The following KRT7 variants were observed in gnomAD, a reference collection of about 807,000 sequenced individuals.
The protein encoded by KRT7 is keratin 7, also known as keratin, type II cytoskeletal 7.
KRT7 carries 50 observed loss-of-function variants against 42.8 expected under a neutral mutation model. The ratio of observed to expected loss-of-function variants is 1.17; its 90% CI spans 0.93 to 1.48. KRT7 has a LOEUF of 1.48. Ranked by LOEUF, KRT7 falls within the 40% of genes most tolerant of loss-of-function variation. KRT7 has a pLI of 0.00. For missense variants in KRT7, 588 were observed against 637.6 expected, an observed-to-expected ratio of 0.92 and a Z score of 0.84; for synonymous variants, 268 against 266.3, an observed-to-expected ratio of 1.01 and a Z score of -0.06.
At chr12:52,248,349 C>A in intron 8 of KRT7, 138 bp downstream of exon 8, 2 of 975,844 alleles carry the variant, frequency 2.0e-6, no homozygotes, top group Non-Finnish European at 3.2e-6. Context: ...ATTGACAGGT[C>A]CCCTGGAGCA....
chr12:52,241,766 T>G lies in KRT7; in HGVS notation c.858+130T>G. On this transcript the variant is annotated intron_variant, in intron 5 of 8. Coordinates refer to ENST00000331817, the MANE Select transcript of KRT7 (RefSeq NM_005556.4). ...CTGGCAGGCACCAGTGGTTTAAGTC[T>G]GTGGTGCTCAGCCCTGGAGAAAATC... 6.7e-6 allele frequency: 5 copies of G among 745,270 alleles called. No individual in the cohort carries two copies. The South Asian group carries it at 9.5e-5, about 14-fold the overall frequency. The allele number at this position is 745,270 out of a possible 1,614,324, so 46.2% of individuals were successfully genotyped here.
chr12:52,247,739 T>TG, intron 7 of KRT7: 1 of 187,794 alleles, frequency 5.3e-6, no homozygotes, highest in Non-Finnish European at 1.1e-5. Flanking sequence ...GGCCTCATAC[T>TG]GGGGATAAAA....
intron 6 of KRT7, chr12:52,244,958 CAATT>C (rs1291336897): frequency 1.1e-5 from 2 of 180,794 alleles, no homozygotes; most frequent in African/African-American, 4.8e-5. Context: ...TCTGGAGACT[CAATT>C]AAGATCCCAT....
chr12:52,238,451 G>T (rs1339947555), intron 3 of KRT7, among the ~76,000 whole-genome samples: 1 of 152,160 alleles, frequency 6.6e-6, no homozygotes, highest in African/African-American at 2.4e-5. Flanking sequence ...CTAGGTTGGG[G>T]CTTCAGTTGC....
chr12:52,235,263 A>G lies in KRT7; in HGVS notation c.433A>G (p.Ile145Val). ...CCTCCCAGACATCTTTGAGGCCCAGATTGCTGGCCTTCGGGGTCAGCTTGA... is the reference window on the plus strand; with the variant it reads ...CCTCCCAGACATCTTTGAGGCCCAGGTTGCTGGCCTTCGGGGTCAGCTTGA... ...SRLPDIFEAQ[I>V]AGLRGQLEAL... Residue 145 changes from isoleucine to valine, a missense_variant, in exon 2 of 9, where the codon ATT becomes GTT. Coordinates refer to ENST00000331817, the MANE Select transcript of KRT7 (RefSeq NM_005556.4). 6.2e-7 allele frequency: 1 copy of G among 1,614,184 alleles called. No homozygotes were observed.
intron 5 of KRT7, among the ~76,000 whole-genome samples, 196 bp from the exon 6 acceptor site, chr12:52,242,816 C>T (rs957888243): frequency 3.3e-5 from 5 of 152,094 alleles, no homozygotes; most frequent in Non-Finnish European, 5.9e-5. Context: ...GTCTGTCCTC[C>T]CTGCCTGGCT....
rs181502149 is a variant in KRT7, at chr12:52,234,925, C to T, written c.325-230C>T. Among the ~76,000 whole-genome samples, 6 of 152,292 alleles carry T rather than the reference C, an allele frequency of 3.9e-5. No homozygotes were observed. The East Asian group carries it at 5.8e-4, about 15-fold the overall frequency. On this transcript the variant is annotated intron_variant, in intron 1 of 8. Coordinates refer to ENST00000331817, the MANE Select transcript of KRT7 (RefSeq NM_005556.4). ...TGGAGAGGAGGCCCTGGAGCACATT[C>T]GTCGAGAGTCAACCACGGGGCACTT...
In KRT7 at chr12:52,235,321, C is replaced by G. The variant is rs376567055; in HGVS notation, c.491C>G (p.Ala164Gly). 2 of 1,613,636 alleles carry G rather than the reference C, an allele frequency of 1.2e-6. No homozygotes were observed. Among genetic ancestry groups the G allele is most frequent in the Admixed American group, 3.3e-5 (2 of 60,024 alleles). ...ALQVDGGRLE[A>G]ELRSMQDVVE... is the part of the protein sequence containing the mutation. The stretch of plus-strand genomic sequence containing the variant: ...CAGGTGGATGGGGGCCGCCTGGAGG[C>G]GGAGCTGCGGAGCATGCAGGATGTG... Residue 164 changes from alanine to glycine, a missense_variant, in exon 2 of 9, where the codon GCG becomes GGG. By Grantham distance (60) the Ala-to-Gly change is moderately conservative. Coordinates refer to ENST00000331817, the MANE Select transcript of KRT7 (RefSeq NM_005556.4).
At position 52,233,252 on chromosome 12, in the gene KRT7, G is replaced by A. The variant is rs552057083; in HGVS notation, c.-45G>A. On this transcript the variant is annotated 5_prime_UTR_variant, in exon 1 of 9. Transcript: ENST00000331817. ...GAGTGTCCCCGAGGTCAGCGAGTGC[G>A]CGCTCCTCCTCGCCCGCCGCTAGGT... The A allele has an allele frequency of 3.6e-5, 52 of 1,424,920 alleles. No individual in the cohort carries two copies. The South Asian group carries it at 6.6e-4, about 18-fold the overall frequency. The allele number at this position is 1,424,920 out of a possible 1,614,324, so 88.3% of individuals were successfully genotyped here.
At position 52,233,404 on chromosome 12, in the gene KRT7, C is replaced by T; in HGVS notation, c.108C>T (p.Ser36=). The change falls in exon 1 of 9, where the codon AGC becomes AGT. Residue 36 remains serine, a synonymous_variant. Coordinates refer to ENST00000331817, the MANE Select transcript of KRT7 (RefSeq NM_005556.4). ...CCGCTCGCCCCGGCGGCCTTGGCAG[C>T]AGCAGCCTCTACGGCCTCGGCGCCT... ...LSSARPGGLG[S]SSLYGLGASR... 1 of 1,565,326 alleles carries T rather than the reference C, an allele frequency of 6.4e-7. No homozygotes were observed. Among genetic ancestry groups the T allele is most frequent in the Non-Finnish European group, 8.6e-7 (1 of 1,161,958 alleles).
At chr12:52,237,718 G>GTGGGTGTT in intron 3 of KRT7, 149 bp downstream of exon 3, 2 of 550,634 alleles carry the variant, frequency 3.6e-6, no homozygotes, top group Non-Finnish European at 6.4e-6. Flanking sequence ...TGTCCTGTGG[G>GTGGGTGTT]TGCGTGTATG....
intron 1 of KRT7, among the ~76,000 whole-genome samples, chr12:52,234,833 A>G (rs1371511340): frequency 1.3e-5 from 2 of 152,242 alleles, no homozygotes; most frequent in Admixed American, 1.3e-4. Flanking sequence ...TGATCCATTG[A>G]CAGGAAGAGG....
chr12:52,249,206 G>A (rs1011584585), downstream of KRT7: 1 of 153,456 alleles, frequency 6.5e-6, no homozygotes, highest in African/African-American at 2.4e-5. Context: ...TAAGGGGGTG[G>A]AAAGGCTGTT....
At chr12:52,236,743 T>C (rs929192857) in intron 2 of KRT7, among the ~76,000 whole-genome samples, 1 of 152,212 alleles carries the variant, frequency 6.6e-6, no homozygotes, top group Non-Finnish European at 1.5e-5. Flanking sequence ...TTCCAACACC[T>C]TTTTTTGAGT....
chr12:52,242,507 C>T (rs547716075), intron 5 of KRT7, among the ~76,000 whole-genome samples: 4 of 152,050 alleles, frequency 2.6e-5, no homozygotes, highest in East Asian at 1.9e-4. Context: ...GAAGGGATCC[C>T]GAGGCAAGGA....
Position 52,235,315 on chromosome 12 carries a change from TGGA to T in KRT7, c.488_490del (p.Glu163del), listed in dbSNP as rs1304055825. ...GCACTGCAGGTGGATGGGGGCCGCC[TGGA>T]GGCGGAGCTGCGGAGCATGCAGGAT... On this transcript the variant is annotated inframe_deletion, in exon 2 of 9. Transcript: ENST00000331817. 5 of 1,613,894 alleles carry T rather than the reference TGGA, an allele frequency of 3.1e-6. No individual in the cohort carries two copies. The South Asian group carries it at 3.3e-5, about 11-fold the overall frequency.
chr12:52,240,514 C>A (rs1189264318), intron 4 of KRT7, among the ~76,000 whole-genome samples: 1 of 151,956 alleles, frequency 6.6e-6, no homozygotes, highest in African/African-American at 2.4e-5. Flanking sequence ...CCTGTAATCC[C>A]AGCTACACGG....
At chr12:52,245,166 GA>G (rs1942149721) in intron 6 of KRT7, 1 of 564,402 alleles carries the variant, frequency 1.8e-6, no homozygotes, top group East Asian at 3.0e-5. Context: ...GAAAAGAGGG[GA>G]CTTTGGCTTA....
At chr12:52,241,798 T>G in intron 5 of KRT7, 162 bp downstream of exon 5, 1 of 586,700 alleles carries the variant, frequency 1.7e-6, no homozygotes, top group Non-Finnish European at 3.0e-6. Flanking sequence ...AATCCCAAGA[T>G]GGGAGGACAG....
Sources: allele counts gnomAD v4.1 joint callset (sites outside exome capture counted in the v4.1 genomes callset), GRCh38; gene constraint gnomAD v4.1.1; transcripts MANE v1.5; gene names NCBI Gene and HGNC (gene_info 2026-07-23, HGNC 2026-07-21).